The following CDYL2 variants were observed in gnomAD, a reference collection of about 807,000 sequenced individuals.
CDYL2 encodes chromodomain Y like 2.
CDYL2 carries 23 observed loss-of-function variants against 49.4 expected under a neutral mutation model. The ratio of observed to expected loss-of-function variants is 0.47; its 90% CI spans 0.34 to 0.66. The LOEUF (loss-of-function observed/expected upper bound fraction) is 0.66, where lower values mean the gene tolerates loss of function less well. Among genes scored for constraint, CDYL2 ranks in the 30% least tolerant of loss-of-function variants. CDYL2 has a pLI of 0.01. For synonymous variants in CDYL2, 360 were observed against 268.8 expected (o/e 1.34, Z -3.32); for missense variants, 678 against 656.4 (o/e 1.03, Z -0.36).
intron 1 of CDYL2, among the ~76,000 whole-genome samples, chr16:80,702,812 G>C (rs1567577200): frequency 2.0e-5 from 3 of 152,158 alleles, no homozygotes; most frequent in African/African-American, 4.8e-5. Context: ...GACACAAAAT[G>C]CCGCAGCCAA....
intron 2 of CDYL2, among the ~76,000 whole-genome samples, chr16:80,674,066 G>A (rs930241799): frequency 6.6e-6 from 1 of 152,170 alleles, no homozygotes; most frequent in African/African-American, 2.4e-5. Flanking sequence ...AACTATAAGG[G>A]AAGAAGGTGG....
intron 2 of CDYL2, among the ~76,000 whole-genome samples, chr16:80,646,487 C>G (rs1421531412): frequency 3.3e-5 from 5 of 151,806 alleles, no homozygotes; most frequent in Non-Finnish European, 7.4e-5. Context: ...GACAGAGTGG[C>G]TGAATTAAAA....
In CDYL2 at chr16:80,648,383, T is replaced by C. The variant is rs199711716; in HGVS notation, c.617-15147A>G. Among the ~76,000 whole-genome samples, 33 of 152,080 alleles carry C rather than the reference T, an allele frequency of 2.2e-4. No homozygotes were observed. The East Asian group carries it at 6.2e-3, about 29-fold the overall frequency. On this transcript the variant is annotated intron_variant, in intron 2 of 6. Transcript: ENST00000570137. ...GGCTACTATGAGCAATTATATGCAA[T>C]AAAGTGGAAAAGCTAGAGGACACAG... is the stretch of plus-strand genomic sequence containing the variant.
intron 2 of CDYL2, among the ~76,000 whole-genome samples, chr16:80,678,305 A>C (rs1295120244): frequency 6.6e-6 from 1 of 152,128 alleles, no homozygotes; most frequent in African/African-American, 2.4e-5. Flanking sequence ...AAAAGAAACT[A>C]CCATCAGAGT....
chr16:80,640,791 A>G (rs1337106074), intron 2 of CDYL2, among the ~76,000 whole-genome samples: 1 of 152,210 alleles, frequency 6.6e-6, no homozygotes, highest in Non-Finnish European at 1.5e-5. Context: ...GTGTAGCTAA[A>G]AAGCGTAACT....
At chr16:80,789,941 G>C (rs905572772) in intron 1 of CDYL2, among the ~76,000 whole-genome samples, 1 of 152,082 alleles carries the variant, frequency 6.6e-6, no homozygotes, top group African/African-American at 2.4e-5. Flanking sequence ...GATGAGGGTT[G>C]AAAAATTACC....
At chr16:80,729,852 CT>C (rs1775720990) in intron 1 of CDYL2, among the ~76,000 whole-genome samples, 1 of 152,276 alleles carries the variant, frequency 6.6e-6, no homozygotes, top group South Asian at 2.1e-4. Context: ...TAAATGACTA[CT>C]GGGTGCATAA....
chr16:80,773,981 C>G (rs1034247775), intron 1 of CDYL2, among the ~76,000 whole-genome samples: 6 of 152,066 alleles, frequency 3.9e-5, no homozygotes, highest in Non-Finnish European at 8.8e-5. Context: ...ATATTAAGAA[C>G]AACCTTTATG....
At chr16:80,793,058 C>T (rs1907659573) in intron 1 of CDYL2, among the ~76,000 whole-genome samples, 1 of 152,194 alleles carries the variant, frequency 6.6e-6, no homozygotes, top group Non-Finnish European at 1.5e-5. Context: ...CATTTCCTTA[C>T]AAGTGTGTCT....
At chr16:80,687,174 C>T (rs943241477) in intron 1 of CDYL2, among the ~76,000 whole-genome samples, 2 of 152,222 alleles carry the variant, frequency 1.3e-5, no homozygotes, top group Non-Finnish European at 2.9e-5. Context: ...CCTGAAACAG[C>T]AGCATTTGTG....
At chr16:80,645,685 C>T (rs567033416) in intron 2 of CDYL2, among the ~76,000 whole-genome samples, 17 of 152,134 alleles carry the variant, frequency 1.1e-4, no homozygotes, top group South Asian at 4.2e-4. Context: ...CACATGCACA[C>T]GTATGTTTAC....
chr16:80,732,116 T>C (rs1905347690), intron 1 of CDYL2, among the ~76,000 whole-genome samples: 1 of 152,202 alleles, frequency 6.6e-6, no homozygotes, highest in South Asian at 2.1e-4. Context: ...ATGAGAGTCA[T>C]CATTTTTATT....
intron 2 of CDYL2, among the ~76,000 whole-genome samples, chr16:80,642,461 T>G (rs1415095351): frequency 6.6e-6 from 1 of 152,140 alleles, no homozygotes; most frequent in African/African-American, 2.4e-5. Flanking sequence ...TATATATTTA[T>G]TAGTTTGTTA....
intron 1 of CDYL2, among the ~76,000 whole-genome samples, chr16:80,752,667 C>T (rs1906175934): frequency 6.6e-6 from 1 of 152,166 alleles, no homozygotes; most frequent in African/African-American, 2.4e-5. Flanking sequence ...AAAATGAACA[C>T]ACAACAAGGG....
At position 80,620,917 on chromosome 16, in the gene CDYL2, G is replaced by A; in HGVS notation, c.853C>T (p.Arg285Ter). 6.2e-7 allele frequency: 1 copy of A among 1,602,456 alleles called. No individual in the cohort carries two copies. Among genetic ancestry groups the A allele is most frequent in the Non-Finnish European group, 8.5e-7 (1 of 1,172,584 alleles). The stretch of plus-strand genomic sequence containing the variant: ...TCTGTGGCTGCGTTGCAGAGCGCTC[G>A]CCGGACTTCTTTCATGATCTGCCGG... ...LTPEIMKEVRRALCNAATDDS... is the reference protein window; with the variant it reads ...LTPEIMKEVR The change falls in exon 4 of 7, where the codon CGA (arginine) becomes TGA (stop). Residue 285 changes from arginine to a stop codon, truncating the protein, a stop_gained. Transcript: ENST00000570137. LOFTEE classifies it high-confidence loss of function.
intron 1 of CDYL2, among the ~76,000 whole-genome samples, chr16:80,725,844 T>G (rs1192553957): frequency 1.3e-5 from 2 of 152,202 alleles, no homozygotes; most frequent in Non-Finnish European, 2.9e-5. Context: ...GAATCCCCAT[T>G]TTTTTCAAAT....
intron 4 of CDYL2, among the ~76,000 whole-genome samples, chr16:80,613,984 C>T (rs1367091901): frequency 6.6e-6 from 1 of 152,222 alleles, no homozygotes; most frequent in Non-Finnish European, 1.5e-5. Flanking sequence ...CTCAGAAAAA[C>T]ACCATTATCA....
intron 2 of CDYL2, among the ~76,000 whole-genome samples, chr16:80,684,297 C>T (rs921204018): frequency 6.6e-6 from 1 of 152,162 alleles, no homozygotes; most frequent in Non-Finnish European, 1.5e-5. Flanking sequence ...ACTTTGGACC[C>T]ATTCCAGACC....
intron 1 of CDYL2, among the ~76,000 whole-genome samples, chr16:80,758,691 C>T (rs1051004811): frequency 4.6e-5 from 7 of 151,788 alleles, no homozygotes; most frequent in East Asian, 3.9e-4. Context: ...TACAGGCACC[C>T]GCCACCACAC....
Sources: allele counts gnomAD v4.1 joint callset (sites outside exome capture counted in the v4.1 genomes callset), GRCh38; gene constraint gnomAD v4.1.1; transcripts MANE v1.5; gene names NCBI Gene and HGNC (gene_info 2026-07-23, HGNC 2026-07-21).